The following TMC7 variants were observed in gnomAD, a reference collection of about 807,000 sequenced individuals.
TMC7 encodes transmembrane channel-like protein 7.
A neutral mutation model predicts 82.9 loss-of-function variants in TMC7; 54 were observed. The ratio of observed to expected loss-of-function variants is 0.65; its 90% CI spans 0.52 to 0.82. The LOEUF is 0.82. Among genes scored for constraint, TMC7 ranks in the 40% least tolerant of loss-of-function variants. The probability of loss-of-function intolerance (pLI) is 0.00; values close to 1 mark genes in which losing one functional copy is unlikely to be tolerated. For missense variants in TMC7, 820 were observed against 901.2 expected (o/e 0.91, Z 1.15); for synonymous variants, 350 against 337.9 (o/e 1.04, Z -0.39).
At chr16:19,043,156 T>C (rs892292313) in intron 9 of TMC7, among the ~76,000 whole-genome samples, 1 of 152,188 alleles carries the variant, frequency 6.6e-6, no homozygotes, top group African/African-American at 2.4e-5. Context: ...CAGTGTGTTT[T>C]TGTCTGCACA....
chr16:19,038,146 AG>A, intron 8 of TMC7, 99 bp downstream of exon 8: 1 of 1,227,484 alleles, frequency 8.1e-7, no homozygotes, highest in Non-Finnish European at 1.1e-6. Flanking sequence ...TGGAGATACA[AG>A]TTTGGCTGAT....
In TMC7 at chr16:19,060,772, G is replaced by T. The variant is rs971160073; in HGVS notation, c.2107-1006G>T. Among the ~76,000 whole-genome samples, 9 of 149,076 alleles carry T rather than the reference G, an allele frequency of 6.0e-5. No homozygotes were observed. The East Asian group carries it at 1.2e-3, about 20-fold the overall frequency. ...GGGATGGGAAGCTGCTGAAGGGTTT[G>T]TAAGAGTCTACTGTGCATTTTTTTT... On this transcript the variant is annotated intron_variant, in intron 15 of 15. Transcript: ENST00000304381.
chr16:19,031,512 T>G (rs1424541998), intron 6 of TMC7, among the ~76,000 whole-genome samples: 1 of 152,012 alleles, frequency 6.6e-6, no homozygotes, highest in Non-Finnish European at 1.5e-5. Context: ...GAAATTTTAT[T>G]TCTTCTTTAT....
At chr16:19,017,870 C>T (rs1448017428) in intron 3 of TMC7, among the ~76,000 whole-genome samples, 1 of 152,120 alleles carries the variant, frequency 6.6e-6, no homozygotes, top group Admixed American at 6.6e-5. Flanking sequence ...CGGGGTTTCA[C>T]CGTGTTAGCC....
At chr16:19,053,180 G>A (rs1382932643) in intron 13 of TMC7, among the ~76,000 whole-genome samples, 2 of 151,962 alleles carry the variant, frequency 1.3e-5, no homozygotes, top group Non-Finnish European at 2.9e-5. Flanking sequence ...CATAGGTTAC[G>A]TAACAACTGT....
At chr16:19,060,784 T>C (rs928080640) in intron 15 of TMC7, among the ~76,000 whole-genome samples, 43 of 138,286 alleles carry the variant, frequency 3.1e-4, no homozygotes, top group Non-Finnish European at 4.9e-4. Flanking sequence ...AAGAGTCTAC[T>C]GTGCATTTTT....
intron 1 of TMC7, among the ~76,000 whole-genome samples, chr16:18,985,256 CAAAAAA>C (rs5816022): frequency 7.4e-6 from 1 of 134,336 alleles, no homozygotes; most frequent in Non-Finnish European, 1.6e-5. Context: ...AAGACTGTTT[CAAAAAA>C]AAAAAAAGAA....
At chr16:19,036,915 G>T (rs905374466) in intron 7 of TMC7, among the ~76,000 whole-genome samples, 3 of 152,138 alleles carry the variant, frequency 2.0e-5, no homozygotes, top group African/African-American at 7.2e-5. Flanking sequence ...AATAAAAGCA[G>T]AGACTACTAC....
intron 5 of TMC7, 24 bp from the exon 6 acceptor site, chr16:19,030,200 T>C (rs2142236487): frequency 1.9e-6 from 3 of 1,604,928 alleles, no homozygotes; most frequent in Non-Finnish European, 2.5e-6. Flanking sequence ...CCAGTCTGAC[T>C]TCATGCTCTT....
intron 13 of TMC7, among the ~76,000 whole-genome samples, chr16:19,052,756 A>G (rs1961595301): frequency 6.6e-6 from 1 of 152,102 alleles, no homozygotes; most frequent in Non-Finnish European, 1.5e-5. Context: ...TCTGTTGCTC[A>G]GGATAGAGTG....
At chr16:18,987,306 C>G (rs1284055783) in intron 1 of TMC7, among the ~76,000 whole-genome samples, 2 of 151,892 alleles carry the variant, frequency 1.3e-5, no homozygotes, top group Non-Finnish European at 1.5e-5. Context: ...TAGTAGCAGT[C>G]TTTATTTTAT....
At chr16:19,050,037 G>A (rs772519169) in intron 12 of TMC7, among the ~76,000 whole-genome samples, 1 of 152,016 alleles carries the variant, frequency 6.6e-6, no homozygotes, top group African/African-American at 2.4e-5. Context: ...TGTAGATACA[G>A]TTATACATGT....
chr16:18,987,451 C>T (rs577701503), intron 1 of TMC7, among the ~76,000 whole-genome samples: 1 of 152,152 alleles, frequency 6.6e-6, no homozygotes, highest in African/African-American at 2.4e-5. Flanking sequence ...GCTGGGACTA[C>T]AGGCACGTGC....
chr16:19,014,944 T>C (rs1299801557), intron 2 of TMC7, among the ~76,000 whole-genome samples: 3 of 152,170 alleles, frequency 2.0e-5, no homozygotes, highest in Non-Finnish European at 4.4e-5. Flanking sequence ...GGCTTTTATT[T>C]TTATTATTTT....
intron 9 of TMC7, among the ~76,000 whole-genome samples, chr16:19,043,647 C>T (rs531531739): frequency 3.3e-5 from 5 of 151,626 alleles, no homozygotes; most frequent in Admixed American, 2.6e-4. Context: ...CTTATCTCAC[C>T]GCAACCTTCG....
At chr16:19,050,671 G>A (rs1567528847) in intron 12 of TMC7, among the ~76,000 whole-genome samples, 1 of 151,804 alleles carries the variant, frequency 6.6e-6, no homozygotes, top group Non-Finnish European at 1.5e-5. Context: ...GTAGAGACAG[G>A]GTTTTTTTTA....
Position 19,022,938 on chromosome 16 carries a change from T to C in TMC7, c.629-175T>C, listed in dbSNP as rs1174380828. ...GGGAGGTTGAGGCAGGAGAATCGCT[T>C]GAACCCAGGAGGCAGAGGCTTCAGT... On this transcript the variant is annotated intron_variant, in intron 4 of 15. Coordinates refer to ENST00000304381, the MANE Select transcript of TMC7 (RefSeq NM_024847.4). Among the ~76,000 whole-genome samples the C allele has an allele frequency of 2.0e-5, 3 of 152,140 alleles. No individual in the cohort carries two copies. In the East Asian group the frequency reaches 5.8e-4, roughly 29 times the overall value.
intron 15 of TMC7, among the ~76,000 whole-genome samples, chr16:19,061,074 G>C (rs1302568593): frequency 6.7e-6 from 1 of 149,562 alleles, no homozygotes; most frequent in African/African-American, 2.5e-5. Context: ...TGTGATCTCA[G>C]TTCACTGCAA....
At chr16:18,996,045 T>G (rs2039038882) in intron 1 of TMC7, among the ~76,000 whole-genome samples, 1 of 152,196 alleles carries the variant, frequency 6.6e-6, no homozygotes, top group East Asian at 1.9e-4. Flanking sequence ...CCAGCCACCT[T>G]TTTAAGAGGA....
Sources: allele counts gnomAD v4.1 joint callset (sites outside exome capture counted in the v4.1 genomes callset), GRCh38; gene constraint gnomAD v4.1.1; transcripts MANE v1.5; gene names NCBI Gene and HGNC (gene_info 2026-07-23, HGNC 2026-07-21).